The following COL24A1 variants were observed in gnomAD, a reference collection of about 807,000 sequenced individuals.
COL24A1 encodes the protein collagen alpha-1(XXIV) chain.
COL24A1 carries 224 observed loss-of-function variants against 253.9 expected under a neutral mutation model. The ratio of observed to expected loss-of-function variants is 0.88; its 90% CI spans 0.79 to 0.99. The LOEUF (loss-of-function observed/expected upper bound fraction) is 0.99. Among genes scored for constraint, COL24A1 ranks in the 50% least tolerant of loss-of-function variants. The pLI, the probability that COL24A1 is intolerant of heterozygous loss-of-function variation, is 0.00. For missense variants in COL24A1, 2,131 were observed against 2,068.5 expected (o/e 1.03, Z -0.59); for synonymous variants, 685 against 673.7 (o/e 1.02, Z -0.26).
At chr1:85,869,344 G>C (rs919364465) in intron 35 of COL24A1, among the ~76,000 whole-genome samples, 1 of 152,172 alleles carries the variant, frequency 6.6e-6, no homozygotes. Context: ...GAAATACAGA[G>C]AACACCACAA....
chr1:86,109,507 A>G (rs1454517646), intron 5 of COL24A1, among the ~76,000 whole-genome samples: 1 of 152,206 alleles, frequency 6.6e-6, no homozygotes, highest in Admixed American at 6.5e-5. Flanking sequence ...AAAAGGAAAG[A>G]AGCTTAATGA....
chr1:86,132,958 G>A (rs566663605), intron 2 of COL24A1, among the ~76,000 whole-genome samples: 1 of 152,080 alleles, frequency 6.6e-6, no homozygotes, highest in Non-Finnish European at 1.5e-5. Context: ...ACCTTGGGCA[G>A]TATGGCCCTT....
At chr1:85,812,124 A>G (rs1672612500) in intron 47 of COL24A1, among the ~76,000 whole-genome samples, 2 of 152,224 alleles carry the variant, frequency 1.3e-5, no homozygotes, top group African/African-American at 4.8e-5. Context: ...TTTGCCCATT[A>G]TGAACTCGGT....
In COL24A1 at chr1:85,744,667, A is replaced by G; in HGVS notation, c.4671T>C (p.Asp1557=). Residue 1557 remains aspartate, a splice_region_variant and synonymous_variant, in exon 57 of 60, where the codon GAT becomes GAC. Transcript: ENST00000370571. The part of the protein sequence containing the change: ...DLLNCEQKVS[D]GKYWIDPNLG... ...AGTTTGAGGTAACCAAGAACTTACC[A>G]TCTGATACTTTTTGTTCACAGTTAA... 1 of 1,603,834 alleles carries G rather than the reference A, an allele frequency of 6.2e-7. No homozygotes were observed. The highest frequency in any genetic ancestry group is 8.5e-7 in the Non-Finnish European group (1 of 1,174,956).
intron 28 of COL24A1, among the ~76,000 whole-genome samples, chr1:85,903,796 C>T (rs1241576498): frequency 6.6e-6 from 1 of 152,118 alleles, no homozygotes; most frequent in East Asian, 1.9e-4. Context: ...ACTCATGTGC[C>T]TAACTAATTA....
At chr1:85,756,409 A>G (rs1666265813) in intron 55 of COL24A1, among the ~76,000 whole-genome samples, 1 of 151,808 alleles carries the variant, frequency 6.6e-6, no homozygotes, top group Non-Finnish European at 1.5e-5. Context: ...ACACAGCAAG[A>G]GTCTGTCTCA....
intron 22 of COL24A1, among the ~76,000 whole-genome samples, chr1:85,970,021 G>A (rs1430600557): frequency 6.6e-6 from 1 of 152,074 alleles, no homozygotes; most frequent in Non-Finnish European, 1.5e-5. Context: ...GAAATAACAA[G>A]TAACTATGTA....
chr1:86,052,581 T>C (rs1243430192), intron 10 of COL24A1, among the ~76,000 whole-genome samples: 1 of 151,668 alleles, frequency 6.6e-6, no homozygotes, highest in African/African-American at 2.4e-5. Flanking sequence ...GGACTGGGAG[T>C]GGAGAACGGG....
At chr1:86,015,684 T>C (rs961761038) in intron 19 of COL24A1, among the ~76,000 whole-genome samples, 5 of 152,116 alleles carry the variant, frequency 3.3e-5, no homozygotes, top group African/African-American at 1.2e-4. Flanking sequence ...ATACTATTCA[T>C]TCCAGGAAAG....
At chr1:86,046,709 G>A in intron 12 of COL24A1, 116 bp downstream of exon 12, 1 of 1,192,414 alleles carries the variant, frequency 8.4e-7, no homozygotes, top group South Asian at 1.3e-5. Flanking sequence ...AATTAAAATG[G>A]AATGATTATA....
At chr1:86,025,076 T>G (rs1166857627) in intron 14 of COL24A1, among the ~76,000 whole-genome samples, 1 of 152,148 alleles carries the variant, frequency 6.6e-6, no homozygotes, top group Non-Finnish European at 1.5e-5. Context: ...TTGAATACTA[T>G]GGAATTGAAA....
intron 33 of COL24A1, 113 bp downstream of exon 33, chr1:85,877,009 G>T (rs1158249876): frequency 2.9e-6 from 2 of 682,672 alleles, no homozygotes; most frequent in African/African-American, 1.9e-5. Context: ...TTCTGAATAT[G>T]AAACAATACT....
chr1:86,116,036 C>T (rs12402985), intron 3 of COL24A1, among the ~76,000 whole-genome samples: 1 of 152,098 alleles, frequency 6.6e-6, no homozygotes, highest in South Asian at 2.1e-4. Context: ...AGAAATAGGA[C>T]ACTACTTCTT....
At chr1:85,856,006 G>A (rs183739936) in intron 37 of COL24A1, among the ~76,000 whole-genome samples, 127 of 152,122 alleles carry the variant, frequency 8.3e-4, no homozygotes, top group Non-Finnish European at 1.5e-3. Flanking sequence ...AGTCTCTGAG[G>A]GTTTTTTGTA....
chr1:86,027,845 C>T (rs1355409250), intron 14 of COL24A1, among the ~76,000 whole-genome samples: 8 of 152,178 alleles, frequency 5.3e-5, no homozygotes, highest in Non-Finnish European at 7.4e-5. Flanking sequence ...CAATGCCAGA[C>T]CATGAAGGCA....
At chr1:85,858,979 C>A (rs1678826542) in intron 37 of COL24A1, among the ~76,000 whole-genome samples, 1 of 151,974 alleles carries the variant, frequency 6.6e-6, no homozygotes, top group Non-Finnish European at 1.5e-5. Flanking sequence ...CCCAAGTGGT[C>A]CTCCCGTCTC....
intron 11 of COL24A1, among the ~76,000 whole-genome samples, chr1:86,047,112 C>A (rs546050776): frequency 6.6e-6 from 1 of 152,276 alleles, no homozygotes; most frequent in East Asian, 1.9e-4. Flanking sequence ...CAAATGGGAT[C>A]TTGACATTTC....
intron 5 of COL24A1, among the ~76,000 whole-genome samples, chr1:86,107,726 G>A (rs1323063602): frequency 6.6e-6 from 1 of 151,688 alleles, no homozygotes; most frequent in Non-Finnish European, 1.5e-5. Flanking sequence ...TAGTAGAGAC[G>A]GGGTTTCACC....
intron 43 of COL24A1, among the ~76,000 whole-genome samples, chr1:85,829,674 C>T (rs1200646110): frequency 3.3e-5 from 5 of 152,052 alleles, no homozygotes; most frequent in South Asian, 4.1e-4. Flanking sequence ...TCATTCACTT[C>T]ATCTTCCATC....
Sources: gnomAD v4.1 joint callset for allele counts (sites outside exome capture counted in the v4.1 genomes callset) on GRCh38, gnomAD v4.1.1 for gene constraint, MANE v1.5 for transcripts, NCBI Gene and HGNC (gene_info 2026-07-23, HGNC 2026-07-21) for gene names.